DENND1A: variants seen among roughly 807,000 people sequenced by gnomAD.
The protein encoded by DENND1A is DENN domain containing 1A, also known as DENN domain-containing protein 1A.
Under a neutral mutation model 113.7 loss-of-function variants are expected in DENND1A, and 51 were observed. The ratio of observed to expected loss-of-function variants is 0.45; its 90% CI spans 0.36 to 0.57. DENND1A has a LOEUF of 0.57. Ranked by LOEUF, DENND1A falls within the 20% of genes least tolerant of loss-of-function variation. The pLI is 0.00. For missense variants in DENND1A, 1,258 were observed against 1,395.9 expected (o/e 0.90, Z 1.57); for synonymous variants, 565 against 570.8 (o/e 0.99, Z 0.14).
At chr9:123,697,616 A>C (rs964728582) in intron 5 of DENND1A, among the ~76,000 whole-genome samples, 3 of 152,202 alleles carry the variant, frequency 2.0e-5, no homozygotes, top group Non-Finnish European at 4.4e-5. Flanking sequence ...TAGCTCCCAC[A>C]TATCAGTGAG....
intron 1 of DENND1A, among the ~76,000 whole-genome samples, chr9:123,881,001 G>T (rs762362145): frequency 7.2e-5 from 11 of 152,110 alleles, no homozygotes; most frequent in Non-Finnish European, 1.0e-4. Context: ...TGTGAATCAG[G>T]AATCTACTTA....
At chr9:123,789,994 T>C (rs145579273) in intron 3 of DENND1A, among the ~76,000 whole-genome samples, 1 of 152,092 alleles carries the variant, frequency 6.6e-6, no homozygotes, top group African/African-American at 2.4e-5. Context: ...TGTGTGTGTG[T>C]GTGTGTGTGT....
At chr9:123,564,147 A>G (rs1224335823) in intron 12 of DENND1A, among the ~76,000 whole-genome samples, 1 of 152,188 alleles carries the variant, frequency 6.6e-6, no homozygotes. Context: ...CCATCATCCT[A>G]TTCTTTAGCC....
intron 2 of DENND1A, among the ~76,000 whole-genome samples, chr9:123,854,338 A>C (rs995724826): frequency 6.6e-6 from 1 of 152,204 alleles, no homozygotes; most frequent in Non-Finnish European, 1.5e-5. Flanking sequence ...CCAGATGTTT[A>C]ATATTTTGTC....
chr9:123,791,514 C>A (rs1832987700), intron 3 of DENND1A, among the ~76,000 whole-genome samples: 1 of 152,120 alleles, frequency 6.6e-6, no homozygotes, highest in Admixed American at 6.6e-5. Flanking sequence ...GGTTCTTGTA[C>A]TATAAGATCT....
chr9:123,636,036 G>A (rs1178001061), intron 9 of DENND1A, among the ~76,000 whole-genome samples: 2 of 152,162 alleles, frequency 1.3e-5, no homozygotes, highest in Non-Finnish European at 2.9e-5. Flanking sequence ...CTCTACCCCA[G>A]TTTACCTTCT....
At chr9:123,905,047 A>G (rs1018473487) in intron 1 of DENND1A, among the ~76,000 whole-genome samples, 1 of 152,152 alleles carries the variant, frequency 6.6e-6, no homozygotes, top group African/African-American at 2.4e-5. Context: ...AGTGGGGACC[A>G]ATATTCAACA....
intron 13 of DENND1A, among the ~76,000 whole-genome samples, chr9:123,523,831 G>C (rs72757115): frequency 0.055 from 8,314 of 152,242 alleles, 328 homozygotes; most frequent in Middle Eastern, 0.1. Context: ...TCTGCTCTTT[G>C]AATCAATATT....
At chr9:123,782,955 G>A (rs1228327974) in intron 3 of DENND1A, among the ~76,000 whole-genome samples, 1 of 150,626 alleles carries the variant, frequency 6.6e-6, no homozygotes, top group Non-Finnish European at 1.5e-5. Flanking sequence ...GAAACTGACT[G>A]AAGTTACACA....
chr9:123,723,245 T>A (rs1418042063), intron 5 of DENND1A, among the ~76,000 whole-genome samples: 4 of 152,240 alleles, frequency 2.6e-5, no homozygotes, highest in Non-Finnish European at 5.9e-5. Flanking sequence ...ATTTACCCAA[T>A]TTCTGTACCC....
chr9:123,438,014 C>T (rs1165291113), intron 19 of DENND1A, among the ~76,000 whole-genome samples: 1 of 152,132 alleles, frequency 6.6e-6, no homozygotes, highest in Non-Finnish European at 1.5e-5. Flanking sequence ...GATGTCAGGT[C>T]TGAGTCTTAT....
intron 2 of DENND1A, among the ~76,000 whole-genome samples, chr9:123,853,456 G>C (rs1033045740): frequency 6.6e-6 from 1 of 151,596 alleles, no homozygotes; most frequent in African/African-American, 2.4e-5. Flanking sequence ...TTGAGTTCAG[G>C]AGTTCGAGAC....
intron 13 of DENND1A, among the ~76,000 whole-genome samples, chr9:123,499,759 T>A (rs1427109888): frequency 1.3e-5 from 2 of 152,224 alleles, no homozygotes; most frequent in Non-Finnish European, 2.9e-5. Flanking sequence ...AGCTCAGGCA[T>A]CTTTCAGGGA....
chr9:123,701,944 AACAG>A (rs2065907261), intron 5 of DENND1A, among the ~76,000 whole-genome samples: 1 of 152,210 alleles, frequency 6.6e-6, no homozygotes. Context: ...GTTGTCACTA[AACAG>A]ACAAAATGAG....
At chr9:123,458,987 A>G (rs1006523757) in intron 13 of DENND1A, among the ~76,000 whole-genome samples, 3 of 151,970 alleles carry the variant, frequency 2.0e-5, no homozygotes, top group Admixed American at 6.6e-5. Flanking sequence ...ACAAACAAAA[A>G]AACAAAACAA....
chr9:123,689,823 T>C (rs2065049199), intron 5 of DENND1A, among the ~76,000 whole-genome samples: 1 of 151,602 alleles, frequency 6.6e-6, no homozygotes, highest in Non-Finnish European at 1.5e-5. Flanking sequence ...ATACAAAAGT[T>C]AGCTGGGTGT....
rs146890000 is a variant in DENND1A, at chr9:123,469,673, C to A, written c.994-11776G>T. ...TCCCATAAGAAATGCAGATGGGAATCGGCTCTAAGAGGAAAGCAGGTGCAG... is the reference window on the plus strand; with the variant it reads ...TCCCATAAGAAATGCAGATGGGAATAGGCTCTAAGAGGAAAGCAGGTGCAG... On this transcript the variant is annotated intron_variant, in intron 13 of 23. Transcript: ENST00000394215. 1.2e-3 allele frequency among the ~76,000 whole-genome samples: 180 copies of A among 152,336 alleles called. 2 individuals carry two copies. Among genetic ancestry groups the A allele is most frequent in the African/African-American group, 2.4e-3 (99 of 41,582 alleles).
At chr9:123,517,844 T>TA (rs1314189391) in intron 13 of DENND1A, among the ~76,000 whole-genome samples, 3 of 152,128 alleles carry the variant, frequency 2.0e-5, no homozygotes, top group Admixed American at 2.0e-4. Flanking sequence ...TAAAAAGGCA[T>TA]AAAAAACACT....
At position 123,403,423 on chromosome 9, in the gene DENND1A, G is replaced by A. The variant is rs112018705; in HGVS notation, c.1610C>T (p.Thr537Met). 1,643 of 1,614,128 alleles carry A rather than the reference G, an allele frequency of 1.0e-3. 11 individuals are homozygous for A. The African/African-American group carries it at 0.019, about 19-fold the overall frequency. ...TCACTGCTCAGGGCTCGGCACAGAC[G>A]TCCTCCGGCCTTCCACTGCGATGTT... ...KSNIAVEGRR[T>M]SVPSPEHLVK... The change falls in exon 21 of 24, where the codon ACG becomes ATG. Residue 537 changes from threonine (T) to methionine (M), a missense_variant. Thr to Met is a moderately conservative substitution (Grantham distance 81). This residue lies in a region of DENND1A where 1,159 missense variants were observed against 1,231.7 expected (regional missense o/e 0.94). Coordinates refer to ENST00000394215, the MANE Select transcript of DENND1A (RefSeq NM_001352964.2).
Sources: allele counts gnomAD v4.1 joint callset (sites outside exome capture counted in the v4.1 genomes callset), GRCh38; gene constraint gnomAD v4.1.1; regional missense constraint gnomAD v4.1.1; transcripts MANE v1.5; gene names NCBI Gene and HGNC (gene_info 2026-07-23, HGNC 2026-07-21).